Variants in ZNF462 observed in about 807,000 individuals in gnomAD.
The protein encoded by ZNF462 is zinc finger protein 462.
Under a neutral mutation model 201.9 loss-of-function variants are expected in ZNF462, and 10 were observed. The ratio of observed to expected loss-of-function variants is 0.05; its 90% CI spans 0.03 to 0.08. The LOEUF (loss-of-function observed/expected upper bound fraction) is 0.08. ZNF462 is among the 10% of genes least tolerant of loss of function. The pLI is 1.00. For missense variants in ZNF462, 2,523 were observed against 3,168.3 expected, an observed-to-expected ratio of 0.80 and a Z score of 4.89; for synonymous variants, 1,227 against 1,193.3, an observed-to-expected ratio of 1.03 and a Z score of -0.58.
intron 10 of ZNF462, among the ~76,000 whole-genome samples, chr9:106,998,768 C>G (rs891278136): frequency 1.3e-5 from 2 of 152,012 alleles, no homozygotes; most frequent in African/African-American, 2.4e-5. Context: ...CCCACCACAC[C>G]TGGCTAATTT....
At chr9:106,948,882 T>C (rs1345843375) in intron 7 of ZNF462, among the ~76,000 whole-genome samples, 1 of 151,910 alleles carries the variant, frequency 6.6e-6, no homozygotes, top group Admixed American at 6.6e-5. Flanking sequence ...ATATTATATT[T>C]AAGGTGGGAT....
At chr9:106,875,757 G>A (rs1827803918) in intron 1 of ZNF462, among the ~76,000 whole-genome samples, 1 of 152,154 alleles carries the variant, frequency 6.6e-6, no homozygotes, top group African/African-American at 2.4e-5. Flanking sequence ...GTGAATCACT[G>A]GGCCAGATTG....
At chr9:106,986,352 T>G (rs2132301549) in intron 10 of ZNF462, among the ~76,000 whole-genome samples, 1 of 152,332 alleles carries the variant, frequency 6.6e-6, no homozygotes, top group East Asian at 1.9e-4. Flanking sequence ...TGTGCATATT[T>G]CAACAAATTA....
At chr9:106,884,687 A>G (rs1045761229) in intron 1 of ZNF462, among the ~76,000 whole-genome samples, 4 of 152,196 alleles carry the variant, frequency 2.6e-5, no homozygotes, top group African/African-American at 9.7e-5. Context: ...TTCTGTATAC[A>G]AAGAAATTGC....
chr9:106,951,030 C>T (rs1044354786), intron 7 of ZNF462, among the ~76,000 whole-genome samples: 1 of 151,114 alleles, frequency 6.6e-6, no homozygotes, highest in Non-Finnish European at 1.5e-5. Context: ...ACAGAGGTTG[C>T]AGTGAGCCGA....
chr9:106,990,178 C>T lies in ZNF462; in HGVS notation c.7056+5769C>T, dbSNP rs149601851. ...TTTCATCTTGATATCATTTTTGACC[C>T]AATGCTCATTCAGGAGCCAGTTATT... is the stretch of plus-strand genomic sequence containing the variant. On this transcript the variant is annotated intron_variant, in intron 10 of 12. Transcript: ENST00000277225. Among the ~76,000 whole-genome samples, 16 of 152,076 alleles carry T rather than the reference C, an allele frequency of 1.1e-4. No individual in the cohort carries two copies. The East Asian group carries it at 3.1e-3, about 29-fold the overall frequency.
chr9:106,941,072 T>C (rs1230399584), intron 7 of ZNF462, among the ~76,000 whole-genome samples: 1 of 152,184 alleles, frequency 6.6e-6, no homozygotes, highest in African/African-American at 2.4e-5. Flanking sequence ...TACCTTCTTT[T>C]TCCTTTGTCT....
rs1279279902 is a variant in ZNF462 at position 106,895,395 on chromosome 9, C to T, written c.-30-27959C>T. The stretch of plus-strand genomic sequence containing the variant: ...CTCCTCTTCATCCCCAGTGCGTCGT[C>T]TGGCCCAGGCTTCCTTTATCTCTTC... On this transcript the variant is annotated intron_variant, in intron 1 of 12. Coordinates refer to ENST00000277225, the MANE Select transcript of ZNF462 (RefSeq NM_021224.6). The surrounding 1 kb of genome is among the most constrained non-coding windows in gnomAD (Gnocchi z 4.4). 6.6e-6 allele frequency among the ~76,000 whole-genome samples: 1 copy of T among 152,160 alleles called. No individual in the cohort carries two copies. The highest frequency in any genetic ancestry group is 1.5e-5 in the Non-Finnish European group (1 of 68,024).
chr9:106,953,015 T>C (rs1831420017), intron 7 of ZNF462, among the ~76,000 whole-genome samples: 2 of 152,150 alleles, frequency 1.3e-5, no homozygotes, highest in South Asian at 4.1e-4. Flanking sequence ...CCCAGGCAAA[T>C]CTTAAAAAGG....
chr9:106,959,993 A>G (rs146479376), intron 7 of ZNF462, among the ~76,000 whole-genome samples: 1 of 152,126 alleles, frequency 6.6e-6, no homozygotes, highest in Non-Finnish European at 1.5e-5. Flanking sequence ...ATTTTCTTAC[A>G]CTGCATGGAA....
In ZNF462 at chr9:106,923,501, A is replaced by G. The variant is rs747677472; in HGVS notation, c.118A>G (p.Asn40Asp). The G allele has an allele frequency of 4.6e-5, 74 of 1,614,126 alleles. No homozygotes were observed. The Admixed American group carries it at 1.2e-3, about 26-fold the overall frequency. The change falls in exon 2 of 13, where the codon AAT (asparagine) becomes GAT (aspartate). Residue 40 changes from asparagine (N) to aspartate (D), a missense_variant. By Grantham distance (23) the Asn-to-Asp change is conservative (BLOSUM62 1). Coordinates refer to ENST00000277225, the MANE Select transcript of ZNF462 (RefSeq NM_021224.6). This position sits in a 1 kb window ranked among gnomAD's most constrained non-coding sequence, Gnocchi z 5.6. Reference sequence around the variant, plus strand: ...GCAGCCAACTGATGTTGCTGAGGACAATGTGAATGAGCTACGATGTGGGTC... The same window carrying G: ...GCAGCCAACTGATGTTGCTGAGGACGATGTGAATGAGCTACGATGTGGGTC... Reference protein sequence around the residue: ...FLQPTDVAEDNVNELRCGSVN... With the variant: ...FLQPTDVAEDDVNELRCGSVN...
chr9:106,928,010 C>T lies in ZNF462; in HGVS notation c.4098C>T (p.Ala1366=), dbSNP rs1406891520. The T allele has an allele frequency of 6.2e-7, 1 of 1,614,082 alleles. No individual in the cohort carries two copies. Among genetic ancestry groups the T allele is most frequent in the East Asian group, 2.2e-5 (1 of 44,894 alleles). The stretch of plus-strand genomic sequence containing the variant: ...CCTCTCTCACAATGCCAGCCGAAGC[C>T]AAAACCTACAGATGCAGGGACTGTG... The part of the protein sequence containing the change: ...SPPSLTMPAE[A]KTYRCRDCVF... Residue 1366 remains alanine (A), a synonymous_variant, in exon 3 of 13, where the codon GCC becomes GCT. Transcript: ENST00000277225. The surrounding 1 kb of genome is among the most constrained non-coding windows in gnomAD (Gnocchi z 9.3).
At position 106,928,261 on chromosome 9, in the gene ZNF462, T is replaced by C. The variant is rs749508584; in HGVS notation, c.4349T>C (p.Leu1450Pro). Residue 1450 changes from leucine (L) to proline (P), a missense_variant, in exon 3 of 13, where the codon CTG becomes CCG. Coordinates refer to ENST00000277225, the MANE Select transcript of ZNF462 (RefSeq NM_021224.6). The surrounding 1 kb of genome is among the most constrained non-coding windows in gnomAD (Gnocchi z 9.3). Reference sequence around the variant, plus strand: ...GCTGAATGTCCAGAGGATGCAAGACTGTCCCCTGAGAAAAGCCTGCAGCTA... The same window carrying C: ...GCTGAATGTCCAGAGGATGCAAGACCGTCCCCTGAGAAAAGCCTGCAGCTA... ...QEAECPEDAR[L>P]SPEKSLQLAS... is the part of the protein sequence containing the mutation. 1.2e-6 allele frequency: 2 copies of C among 1,613,852 alleles called. No homozygotes were observed. The highest frequency in any genetic ancestry group is 3.3e-5 in the Admixed American group (2 of 59,976).
Position 106,972,386 on chromosome 9 carries a change from G to C in ZNF462, c.6695+114G>C. On this transcript the variant is annotated intron_variant, in intron 8 of 12. Coordinates refer to ENST00000277225, the MANE Select transcript of ZNF462 (RefSeq NM_021224.6). The surrounding 1 kb of genome is among the most constrained non-coding windows in gnomAD (Gnocchi z 4.8). ...GGAGCTTATGGGAGGCCCTGCCCAT[G>C]TGATGATGTAGGGGTTGGGTCCAGG... 4.2e-6 allele frequency: 6 copies of C among 1,437,454 alleles called. No homozygotes were observed. Among genetic ancestry groups the C allele is most frequent in the Non-Finnish European group, 5.6e-6 (6 of 1,069,586 alleles). 89.0% of individuals were successfully genotyped at this position (1,437,454 alleles called of 1,614,324 possible).
At chr9:106,965,572 T>C (rs955503498) in intron 7 of ZNF462, among the ~76,000 whole-genome samples, 10 of 151,880 alleles carry the variant, frequency 6.6e-5, no homozygotes, top group African/African-American at 2.2e-4. Flanking sequence ...AAGGGAGAAA[T>C]CTGAACCTTT....
intron 7 of ZNF462, among the ~76,000 whole-genome samples, chr9:106,948,046 G>A (rs1214129783): frequency 6.6e-6 from 1 of 152,208 alleles, no homozygotes; most frequent in Non-Finnish European, 1.5e-5. Context: ...ATTGAGTCAT[G>A]TAGGGCTTCA....
chr9:106,983,362 A>G (rs780599793), intron 9 of ZNF462, among the ~76,000 whole-genome samples: 4 of 151,814 alleles, frequency 2.6e-5, no homozygotes, highest in Non-Finnish European at 5.9e-5. Flanking sequence ...CTCCTGCGCA[A>G]CCCCACCTCC....
intron 7 of ZNF462, among the ~76,000 whole-genome samples, chr9:106,944,551 A>G (rs1831020874): frequency 6.6e-6 from 1 of 152,168 alleles, no homozygotes; most frequent in Non-Finnish European, 1.5e-5. Context: ...CACCTCAAAC[A>G]TTTATCATTT....
At chr9:106,961,558 G>A (rs1266985551) in intron 7 of ZNF462, among the ~76,000 whole-genome samples, 2 of 151,468 alleles carry the variant, frequency 1.3e-5, no homozygotes, top group South Asian at 4.2e-4. Context: ...GATGTTTGTA[G>A]CATGTTTGTT....
Sources: allele counts gnomAD v4.1 joint callset (sites outside exome capture counted in the v4.1 genomes callset), GRCh38; gene constraint gnomAD v4.1.1; non-coding constraint Gnocchi (gnomAD v3.1); transcripts MANE v1.5; gene names NCBI Gene and HGNC (gene_info 2026-07-23, HGNC 2026-07-21).